The following FBXO8 variants were observed in gnomAD, a reference collection of about 807,000 sequenced individuals.
The protein encoded by FBXO8 is F-box protein 8, also known as F-box only protein 8.
In FBXO8, 15 loss-of-function variants were observed where a neutral mutation model predicts 33.4. That is an observed-to-expected ratio of 0.45 (90% CI 0.30 to 0.69). FBXO8 has a LOEUF of 0.69. FBXO8 is among the 30% of genes least tolerant of loss of function. FBXO8 has a pLI of 0.08. For synonymous variants in FBXO8, 132 were observed against 131.5 expected (o/e 1.00, Z -0.02); for missense variants, 274 against 380.3 (o/e 0.72, Z 2.32).
rs1024657115 is a variant in FBXO8, at chr4:174,253,987, T to C, written c.456+5712A>G. Among the ~76,000 whole-genome samples, 2 of 152,188 alleles carry C rather than the reference T, an allele frequency of 1.3e-5. No individual in the cohort carries two copies. The highest frequency in any genetic ancestry group is 2.9e-5 in the Non-Finnish European group (2 of 68,028). On this transcript the variant is annotated intron_variant, in intron 3 of 5. Transcript: ENST00000393674. The surrounding 1 kb of genome is among the most constrained non-coding windows in gnomAD (Gnocchi z 4.5). ...CATCATCTCACTAAAGTAACTGGGATACCTGCATCCAGGACTCTTTTGAAG... is the reference window on the plus strand; with the variant it reads ...CATCATCTCACTAAAGTAACTGGGACACCTGCATCCAGGACTCTTTTGAAG...
chr4:174,272,948 G>GAAATATTAAATTCTCT lies in FBXO8; in HGVS notation c.-8-9849_-8-9848insAGAGAATTTAATATTT. Among the ~76,000 whole-genome samples the GAAATATTAAATTCTCT allele has an allele frequency of 6.6e-6, 1 of 151,998 alleles. No homozygotes were observed. Among genetic ancestry groups the GAAATATTAAATTCTCT allele is most frequent in the South Asian group, 2.1e-4 (1 of 4,822 alleles). On this transcript the variant is annotated intron_variant, in intron 1 of 5. Transcript: ENST00000393674. The surrounding 1 kb of genome is among the most constrained non-coding windows in gnomAD (Gnocchi z 4.7). ...AAAATCCATAATCTGAATTTAATAG[G>GAAATATTAAATTCTCT]GAATATCAGAGAAACTCAAAAGGCA...
chr4:174,258,882 C>T (rs1208524108), intron 3 of FBXO8, among the ~76,000 whole-genome samples: 3 of 151,744 alleles, frequency 2.0e-5, no homozygotes, highest in East Asian at 1.9e-4. Flanking sequence ...ATTAATACCT[C>T]GACAACAAAT....
In FBXO8 at chr4:174,275,717, A is replaced by G. The variant is rs564369952; in HGVS notation, c.-9+7693T>C. Among the ~76,000 whole-genome samples, 22 of 152,336 alleles carry G rather than the reference A, an allele frequency of 1.4e-4. 1 individual carries two copies. In the South Asian group the frequency reaches 4.6e-3, roughly 32 times the overall value. ...TGGGAAGTCTACCATCATTTCACAA[A>G]TAGTAACTATTTTAGATTTTGGGAA... On this transcript the variant is annotated intron_variant, in intron 1 of 5. Coordinates refer to ENST00000393674, the MANE Select transcript of FBXO8 (RefSeq NM_012180.3). The surrounding 1 kb of genome is among the most constrained non-coding windows in gnomAD (Gnocchi z 4.4).
Position 174,275,198 on chromosome 4 carries a change from G to A in FBXO8, c.-9+8212C>T, listed in dbSNP as rs975080236. ...TGGCAAATAAGCACATGGTAAGATGGTCAACATCATTAGCCAGGAGAGAGG... is the reference window on the plus strand; with the variant it reads ...TGGCAAATAAGCACATGGTAAGATGATCAACATCATTAGCCAGGAGAGAGG... On this transcript the variant is annotated intron_variant, in intron 1 of 5. Transcript: ENST00000393674. The surrounding 1 kb of genome is among the most constrained non-coding windows in gnomAD (Gnocchi z 4.4). Among the ~76,000 whole-genome samples the A allele has an allele frequency of 6.6e-6, 1 of 152,168 alleles. No homozygotes were observed. Among genetic ancestry groups the A allele is most frequent in the South Asian group, 2.1e-4 (1 of 4,830 alleles).
rs1002088229 is a variant in FBXO8, at chr4:174,270,837, G to C, written c.-8-7737C>G. 6.6e-6 allele frequency among the ~76,000 whole-genome samples: 1 copy of C among 151,966 alleles called. No homozygotes were observed. The highest frequency in any genetic ancestry group is 1.5e-5 in the Non-Finnish European group (1 of 67,970). On this transcript the variant is annotated intron_variant, in intron 1 of 5. Coordinates refer to ENST00000393674, the MANE Select transcript of FBXO8 (RefSeq NM_012180.3). The surrounding 1 kb of genome is among the most constrained non-coding windows in gnomAD (Gnocchi z 4.6). The stretch of plus-strand genomic sequence containing the variant: ...CACCATGTTGGCCAGGATGGTCTAC[G>C]AACTCCTCACCTCAGGTGATCCGCC...
rs1314446657 is a variant in FBXO8, at chr4:174,255,755, T to A, written c.456+3944A>T. Among the ~76,000 whole-genome samples the A allele has an allele frequency of 6.6e-6, 1 of 152,234 alleles. No individual in the cohort carries two copies. Among genetic ancestry groups the A allele is most frequent in the Non-Finnish European group, 1.5e-5 (1 of 68,038 alleles). On this transcript the variant is annotated intron_variant, in intron 3 of 5. Coordinates refer to ENST00000393674, the MANE Select transcript of FBXO8 (RefSeq NM_012180.3). The surrounding 1 kb of genome is among the most constrained non-coding windows in gnomAD (Gnocchi z 4.3). Reference sequence around the variant, plus strand: ...AAATAACTACGTCAAGAAAGTGTTTTAATATACATTGGAGCACAAGTAATA... The same window carrying A: ...AAATAACTACGTCAAGAAAGTGTTTAAATATACATTGGAGCACAAGTAATA...
In FBXO8 at chr4:174,256,592, A is replaced by G. The variant is rs191341078; in HGVS notation, c.456+3107T>C. 2.9e-4 allele frequency among the ~76,000 whole-genome samples: 44 copies of G among 152,308 alleles called. No homozygotes were observed. The highest frequency in any genetic ancestry group is 1.0e-3 in the African/African-American group (42 of 41,578). ...ACAATTAGCCAAGTTAACATTATTT[A>G]TGTTAGTCAATGAAAGAAAGTACAG... On this transcript the variant is annotated intron_variant, in intron 3 of 5. Coordinates refer to ENST00000393674, the MANE Select transcript of FBXO8 (RefSeq NM_012180.3). The surrounding 1 kb of genome is among the most constrained non-coding windows in gnomAD (Gnocchi z 4.6).
intron 5 of FBXO8, among the ~76,000 whole-genome samples, chr4:174,238,153 G>A (rs1166901927): frequency 3.7e-4 from 57 of 152,022 alleles, no homozygotes; most frequent in Non-Finnish European, 1.9e-4. Context: ...CATTTAAGAT[G>A]TTATAAAGGC....
At position 174,283,100 on chromosome 4, in the gene FBXO8, C is replaced by T. The variant is rs996922948; in HGVS notation, c.-9+310G>A. Among the ~76,000 whole-genome samples, 6 of 152,162 alleles carry T rather than the reference C, an allele frequency of 3.9e-5. No homozygotes were observed. The highest frequency in any genetic ancestry group is 1.4e-4 in the African/African-American group (6 of 41,430). On this transcript the variant is annotated intron_variant, in intron 1 of 5. Coordinates refer to ENST00000393674, the MANE Select transcript of FBXO8 (RefSeq NM_012180.3). This position sits in a 1 kb window ranked among gnomAD's most constrained non-coding sequence, Gnocchi z 6.7. ...AACACTTGGACCTGAAGAAAGTAAC[C>T]CTTGTCATTTCTCAGGTTTATTTCA...
intron 1 of FBXO8, among the ~76,000 whole-genome samples, chr4:174,268,569 G>A (rs562115242): frequency 8.9e-4 from 135 of 151,708 alleles, no homozygotes; most frequent in African/African-American, 2.4e-3. Flanking sequence ...CCAGAGTGCT[G>A]GGACTACAGG....
chr4:174,242,599 C>G (rs370101936), intron 3 of FBXO8, among the ~76,000 whole-genome samples: 2 of 151,562 alleles, frequency 1.3e-5, no homozygotes, highest in South Asian at 2.1e-4. Context: ...GTGAAACTTT[C>G]TTGTCAACTC....
rs980544896 is a variant in FBXO8 at position 174,237,918 on chromosome 4, A to G, written c.773-319T>C. Reference sequence around the variant, plus strand: ...TAGTAAAAATTCATTCTAGATTTAAAAAATTTAGAATTGGCTTTATTTTCG... The same window carrying G: ...TAGTAAAAATTCATTCTAGATTTAAGAAATTTAGAATTGGCTTTATTTTCG... On this transcript the variant is annotated intron_variant, in intron 5 of 5. Transcript: ENST00000393674. This position sits in a 1 kb window ranked among gnomAD's most constrained non-coding sequence, Gnocchi z 4.4. Among the ~76,000 whole-genome samples the G allele has an allele frequency of 1.3e-5, 2 of 152,086 alleles. No individual in the cohort carries two copies. The highest frequency in any genetic ancestry group is 6.6e-5 in the Admixed American group (1 of 15,264).
At position 174,263,033 on chromosome 4, in the gene FBXO8, A is replaced by T. The variant is rs1182391144; in HGVS notation, c.60T>A (p.Ser20Arg). ...GCTCTCTGGTGAGGTAGCCTTGCTCACTGTAGCCTTCTTGTTGCAGCTGCT... is the reference window on the plus strand; with the variant it reads ...GCTCTCTGGTGAGGTAGCCTTGCTCTCTGTAGCCTTCTTGTTGCAGCTGCT... ...RNQQLQQEGY[S>R]EQGYLTREQS... The change falls in exon 2 of 6, where the codon AGT becomes AGA. Residue 20 changes from serine (S) to arginine (R), a missense_variant. Transcript: ENST00000393674. The surrounding 1 kb of genome is among the most constrained non-coding windows in gnomAD (Gnocchi z 4.2). 1.2e-6 allele frequency: 2 copies of T among 1,613,808 alleles called. No homozygotes were observed. Among genetic ancestry groups the T allele is most frequent in the East Asian group, 2.2e-5 (1 of 44,896 alleles).
intron 4 of FBXO8, among the ~76,000 whole-genome samples, chr4:174,240,422 T>A (rs978060134): frequency 4.0e-5 from 6 of 151,814 alleles, no homozygotes; most frequent in African/African-American, 1.4e-4. Flanking sequence ...GAAGGTAAAC[T>A]ATTTTTAAGC....
In FBXO8 at chr4:174,265,573, CT is replaced by C. The variant is rs1342810230; in HGVS notation, c.-8-2474del. The stretch of plus-strand genomic sequence containing the variant: ...AAAGACATGGAGGAACTTTAAGTGC[CT>C]ATTATTAATGTTAAGTAAAAGAAGC... On this transcript the variant is annotated intron_variant, in intron 1 of 5. Transcript: ENST00000393674. The surrounding 1 kb of genome is among the most constrained non-coding windows in gnomAD (Gnocchi z 4.7). Among the ~76,000 whole-genome samples the C allele has an allele frequency of 1.3e-5, 2 of 152,014 alleles. No individual in the cohort carries two copies. The highest frequency in any genetic ancestry group is 4.8e-5 in the African/African-American group (2 of 41,396).
In FBXO8 at chr4:174,255,942, C is replaced by G. The variant is rs1210696366; in HGVS notation, c.456+3757G>C. The G allele has an allele frequency of 4.5e-5, 13 of 291,920 alleles. No homozygotes were observed. The highest frequency in any genetic ancestry group is 7.1e-5 in the Non-Finnish European group (10 of 141,790). 18.1% of individuals were successfully genotyped at this position (291,920 alleles called of 1,614,324 possible). ...ATGTGGCCACCTGCCACAAAGTACA[C>G]AAGCTCATGCACAAGATCAAGACGT... On this transcript the variant is annotated intron_variant, in intron 3 of 5. Coordinates refer to ENST00000393674, the MANE Select transcript of FBXO8 (RefSeq NM_012180.3). This position sits in a 1 kb window ranked among gnomAD's most constrained non-coding sequence, Gnocchi z 4.3.
chr4:174,249,097 A>G (rs1237212457), intron 3 of FBXO8, among the ~76,000 whole-genome samples: 1 of 152,128 alleles, frequency 6.6e-6, no homozygotes, highest in Non-Finnish European at 1.5e-5. Context: ...CCTCAAACAG[A>G]AAAAGAACAT....
intron 1 of FBXO8, among the ~76,000 whole-genome samples, chr4:174,269,404 G>A (rs1002973524): frequency 3.9e-5 from 6 of 151,996 alleles, no homozygotes; most frequent in Non-Finnish European, 7.4e-5. Flanking sequence ...AATAAAATGC[G>A]GCCAGGAGTG....
At chr4:174,268,645 C>T (rs964763637) in intron 1 of FBXO8, among the ~76,000 whole-genome samples, 15 of 152,210 alleles carry the variant, frequency 9.9e-5, no homozygotes, top group South Asian at 6.2e-4. Flanking sequence ...ACCGTGTTAG[C>T]CAGGATGGTC....
Sources: gnomAD v4.1 joint callset for allele counts (sites outside exome capture counted in the v4.1 genomes callset) on GRCh38, gnomAD v4.1.1 for gene constraint, Gnocchi (gnomAD v3.1) non-coding constraint, MANE v1.5 for transcripts, NCBI Gene and HGNC (gene_info 2026-07-23, HGNC 2026-07-21) for gene names.